Variants in CAB39L observed in about 807,000 individuals in gnomAD.
The protein encoded by CAB39L is calcium-binding protein 39-like.
CAB39L carries 23 observed loss-of-function variants against 39.1 expected under a neutral mutation model. That is an observed-to-expected ratio of 0.59 (90% CI 0.42 to 0.83). CAB39L has a LOEUF of 0.83. CAB39L is among the 40% of genes least tolerant of loss of function. The pLI is 0.00. For synonymous variants in CAB39L, 126 were observed against 137.2 expected (o/e 0.92, Z 0.57); for missense variants, 366 against 391.9 (o/e 0.93, Z 0.56).
intron 10 of CAB39L, among the ~76,000 whole-genome samples, chr13:49,313,030 A>T (rs9526540): frequency 1 from 152,007 of 152,336 alleles, 75,839 homozygotes; most frequent in Middle Eastern, 1. Context: ...ATAGTATGAA[A>T]GAGCTTATGA....
At chr13:49,428,850 A>G (rs1293435065) in intron 3 of CAB39L, among the ~76,000 whole-genome samples, 3 of 148,220 alleles carry the variant, frequency 2.0e-5, no homozygotes, top group Non-Finnish European at 4.5e-5. Context: ...ACAACGGTCT[A>G]CCACAAAAGT....
chr13:49,375,807 G>GAA (rs34734102), intron 5 of CAB39L, among the ~76,000 whole-genome samples: 79,157 of 145,238 alleles, frequency 0.55, 22,574 homozygotes, highest in African/African-American at 0.72. Context: ...TAAAAAAATT[G>GAA]AAAAAAAAAA....
chr13:49,327,344 C>A (rs941782032), intron 10 of CAB39L, among the ~76,000 whole-genome samples: 2 of 152,200 alleles, frequency 1.3e-5, no homozygotes, highest in African/African-American at 4.8e-5. Flanking sequence ...CGCTCAGTCA[C>A]CCAGGCTGGA....
chr13:49,374,737 G>C (rs1477917594), intron 5 of CAB39L, among the ~76,000 whole-genome samples: 1 of 152,150 alleles, frequency 6.6e-6, no homozygotes, highest in Admixed American at 6.5e-5. Context: ...GAGGTTCTGT[G>C]GCTGCTCAAA....
chr13:49,400,288 C>A (rs1013612841), intron 3 of CAB39L, among the ~76,000 whole-genome samples: 13 of 152,144 alleles, frequency 8.5e-5, no homozygotes, highest in African/African-American at 2.9e-4. Flanking sequence ...TCCTACAGAA[C>A]AATGATTACA....
At chr13:49,329,529 T>C (rs1954607000) in intron 10 of CAB39L, among the ~76,000 whole-genome samples, 1 of 61,192 alleles carries the variant, frequency 1.6e-5, no homozygotes. Flanking sequence ...ACATATCTCT[T>C]CAATTAAAAA....
chr13:49,350,368 T>C (rs1295353311), intron 7 of CAB39L, among the ~76,000 whole-genome samples: 2 of 152,252 alleles, frequency 1.3e-5, no homozygotes, highest in Non-Finnish European at 2.9e-5. Context: ...ACTGTTGCTG[T>C]TTCCTATGCA....
chr13:49,422,526 T>C (rs1482364578), intron 3 of CAB39L, among the ~76,000 whole-genome samples: 1 of 152,158 alleles, frequency 6.6e-6, no homozygotes, highest in Non-Finnish European at 1.5e-5. Flanking sequence ...TGAGCTGAGA[T>C]TGTGCCACTG....
intron 3 of CAB39L, among the ~76,000 whole-genome samples, chr13:49,389,613 C>T (rs9596090): frequency 0.55 from 82,916 of 152,074 alleles, 24,009 homozygotes; most frequent in African/African-American, 0.72. Flanking sequence ...GCACTCCAGC[C>T]TGGGTGACAA....
At chr13:49,335,194 C>CAT (rs1209444366) in intron 9 of CAB39L, among the ~76,000 whole-genome samples, 1 of 152,158 alleles carries the variant, frequency 6.6e-6, no homozygotes, top group Non-Finnish European at 1.5e-5. Flanking sequence ...TGAATAGACA[C>CAT]ATATATATCA....
intron 3 of CAB39L, among the ~76,000 whole-genome samples, chr13:49,423,597 T>TAAAG (rs1453006275): frequency 6.6e-6 from 1 of 151,890 alleles, no homozygotes; most frequent in Non-Finnish European, 1.5e-5. Context: ...GAGTAAAAAT[T>TAAAG]AGTAGGAGAG....
chr13:49,325,782 T>G (rs1954480146), intron 10 of CAB39L, among the ~76,000 whole-genome samples: 2 of 151,382 alleles, frequency 1.3e-5, no homozygotes, highest in South Asian at 4.2e-4. Context: ...AGAGTGAAAT[T>G]CCATCTCAAA....
chr13:49,439,921 G>GTTTTTTTTTTTTTTT (rs34993624), intron 1 of CAB39L, among the ~76,000 whole-genome samples: 13 of 78,538 alleles, frequency 1.7e-4, no homozygotes, highest in East Asian at 4.9e-4. Context: ...TTTTTAATGG[G>GTTTTTTTTTTTTTTT]TTTTTTTTTT....
At chr13:49,443,945 C>T (rs1957598526) in intron 1 of CAB39L, 41 bp downstream of exon 1, 1 of 456,762 alleles carries the variant, frequency 2.2e-6, no homozygotes, top group Non-Finnish European at 4.4e-6. Context: ...CCCCAAGAAG[C>T]CCAGTCCCAG....
chr13:49,338,691 T>A (rs1954917211), intron 9 of CAB39L, among the ~76,000 whole-genome samples: 1 of 152,102 alleles, frequency 6.6e-6, no homozygotes, highest in Admixed American at 6.5e-5. Context: ...AAAGCAAAAT[T>A]TCGTATATGC....
chr13:49,399,484 T>C (rs868802960), intron 3 of CAB39L, among the ~76,000 whole-genome samples: 1 of 152,112 alleles, frequency 6.6e-6, no homozygotes, highest in Non-Finnish European at 1.5e-5. Context: ...GAATTGACTT[T>C]CTTATATTTT....
intron 9 of CAB39L, among the ~76,000 whole-genome samples, chr13:49,338,042 T>G (rs1039025032): frequency 6.6e-6 from 1 of 152,188 alleles, no homozygotes; most frequent in Non-Finnish European, 1.5e-5. Context: ...TTACGGGTAA[T>G]TGAGAATTGG....
rs1360557441 is a variant in CAB39L, at chr13:49,377,456, A to G, written c.112-325T>C. Among the ~76,000 whole-genome samples, 5 of 93,690 alleles carry G rather than the reference A, an allele frequency of 5.3e-5. 1 individual carries two copies. Among genetic ancestry groups the G allele is most frequent in the East Asian group, 4.1e-4 (2 of 4,844 alleles). 61.5% of individuals were successfully genotyped at this position (93,690 alleles called of 152,430 possible). On this transcript the variant is annotated intron_variant, in intron 4 of 10. Coordinates refer to ENST00000409308, the MANE Select transcript of CAB39L (RefSeq NM_001079670.3). ...ACGGTCTCCCTCTCATGCGGAGCCG[A>G]AGCTGGACTGTACTGCTGCCATCTC...
At chr13:49,341,097 C>T (rs1035390288) in intron 8 of CAB39L, among the ~76,000 whole-genome samples, 1 of 152,154 alleles carries the variant, frequency 6.6e-6, no homozygotes, top group Non-Finnish European at 1.5e-5. Context: ...GTAGATTTAT[C>T]CACGTTATCT....
Sources: allele counts gnomAD v4.1 joint callset (sites outside exome capture counted in the v4.1 genomes callset), GRCh38; gene constraint gnomAD v4.1.1; transcripts MANE v1.5; gene names NCBI Gene and HGNC (gene_info 2026-07-23, HGNC 2026-07-21).